Variants in PABPC4L observed in about 807,000 individuals in gnomAD.
The protein encoded by PABPC4L is polyadenylate-binding protein 4-like.
For missense variants in PABPC4L, 452 were observed against 451.4 expected (o/e 1.00, Z -0.01); for synonymous variants, 169 against 164.1 (o/e 1.03, Z -0.23).
chr4:134,077,137 C>T, the PABPC4L span, among the ~76,000 whole-genome samples: 6 of 152,118 alleles, frequency 3.9e-5, no homozygotes, highest in Non-Finnish European at 5.9e-5. Flanking sequence ...TATATATGTG[C>T]ACGCATTTGT....
the PABPC4L span, among the ~76,000 whole-genome samples, chr4:133,969,100 T>C: frequency 6.6e-6 from 1 of 152,166 alleles, no homozygotes; most frequent in Non-Finnish European, 1.5e-5. Flanking sequence ...TCTGTGTTTG[T>C]GTGAGAGACA....
the PABPC4L span, among the ~76,000 whole-genome samples, chr4:133,988,840 G>A: frequency 7.2e-5 from 11 of 152,224 alleles, no homozygotes; most frequent in East Asian, 1.9e-3. Context: ...CCCCTGCAAC[G>A]AACTTCTGCT....
At chr4:133,981,733 A>G in the PABPC4L span, among the ~76,000 whole-genome samples, 4 of 152,018 alleles carry the variant, frequency 2.6e-5, no homozygotes, top group African/African-American at 9.6e-5. Flanking sequence ...ATGAACACTA[A>G]TGCCATTGAG....
the PABPC4L span, among the ~76,000 whole-genome samples, chr4:134,038,905 T>C: frequency 1.3e-5 from 2 of 152,154 alleles, no homozygotes; most frequent in Admixed American, 6.6e-5. Context: ...GTTGTTTTAA[T>C]TGTGATGCTA....
chr4:134,065,477 T>C, the PABPC4L span, among the ~76,000 whole-genome samples: 3 of 152,216 alleles, frequency 2.0e-5, no homozygotes, highest in Admixed American at 6.5e-5. Context: ...AAGTTACTTG[T>C]AGACCTTTGT....
chr4:134,139,330 TG>T, the PABPC4L span, among the ~76,000 whole-genome samples: 3 of 151,934 alleles, frequency 2.0e-5, no homozygotes, highest in African/African-American at 7.2e-5. Flanking sequence ...AAATATGTAC[TG>T]ATTCGTGACA....
the PABPC4L span, among the ~76,000 whole-genome samples, chr4:134,080,119 G>A: frequency 2.0e-5 from 3 of 151,512 alleles, no homozygotes; most frequent in Non-Finnish European, 4.4e-5. Flanking sequence ...AAATATATGT[G>A]GTTTAATCTA....
At chr4:134,059,718 T>C in the PABPC4L span, among the ~76,000 whole-genome samples, 4 of 151,676 alleles carry the variant, frequency 2.6e-5, no homozygotes, top group Admixed American at 6.6e-5. Flanking sequence ...CCCTGAAATG[T>C]TGATGAAAAA....
At chr4:133,997,947 C>T in the PABPC4L span, among the ~76,000 whole-genome samples, 42 of 151,932 alleles carry the variant, frequency 2.8e-4, no homozygotes, top group East Asian at 3.3e-3. Context: ...TATATATCAG[C>T]AATATCTTCT....
At chr4:133,991,737 G>T in the PABPC4L span, among the ~76,000 whole-genome samples, 102 of 152,244 alleles carry the variant, frequency 6.7e-4, no homozygotes, top group African/African-American at 2.1e-3. Context: ...GAGGAACCTT[G>T]CCAGTTGCGT....
At chr4:134,106,131 C>A in the PABPC4L span, among the ~76,000 whole-genome samples, 1 of 151,454 alleles carries the variant, frequency 6.6e-6, no homozygotes, top group Admixed American at 6.6e-5. Context: ...CTACTGAAAG[C>A]CGTGATTTGT....
the PABPC4L span, among the ~76,000 whole-genome samples, chr4:133,967,887 G>T: frequency 6.6e-6 from 1 of 152,130 alleles, no homozygotes; most frequent in African/African-American, 2.4e-5. Flanking sequence ...AAAGTTAAAG[G>T]TTTAGTCTTA....
At chr4:134,028,109 A>C in the PABPC4L span, among the ~76,000 whole-genome samples, 1 of 152,068 alleles carries the variant, frequency 6.6e-6, no homozygotes, top group Non-Finnish European at 1.5e-5. Flanking sequence ...TAGAAATGCA[A>C]ATTCTTGGAC....
At chr4:133,996,244 C>T in the PABPC4L span, among the ~76,000 whole-genome samples, 202 of 152,232 alleles carry the variant, frequency 1.3e-3, 1 homozygote, top group African/African-American at 4.7e-3. Context: ...GGGACCAAAG[C>T]AGCCCTAACT....
the PABPC4L span, chr4:134,010,665 C>A: frequency 6.6e-6 from 1 of 152,022 alleles, no homozygotes; most frequent in Non-Finnish European, 1.5e-5. Context: ...TCATTGGATC[C>A]GCTGAATACA....
the PABPC4L span, among the ~76,000 whole-genome samples, chr4:134,174,983 C>T: frequency 2.6e-5 from 4 of 152,130 alleles, no homozygotes; most frequent in African/African-American, 9.6e-5. Flanking sequence ...GAATGCAATC[C>T]TATTTATTAT....
At chr4:134,046,426 C>T in the PABPC4L span, among the ~76,000 whole-genome samples, 1 of 152,254 alleles carries the variant, frequency 6.6e-6, no homozygotes, top group African/African-American at 2.4e-5. Context: ...TCTCCTATCT[C>T]AGAATAGAAG....
At chr4:134,160,481 T>A in the PABPC4L span, among the ~76,000 whole-genome samples, 1 of 152,138 alleles carries the variant, frequency 6.6e-6, no homozygotes, top group African/African-American at 2.4e-5. Flanking sequence ...CTCCTTTGAA[T>A]TCATGGAAAG....
chr4:134,048,018 T>C, the PABPC4L span, among the ~76,000 whole-genome samples: 1 of 152,176 alleles, frequency 6.6e-6, no homozygotes, highest in East Asian at 1.9e-4. Context: ...TAAAACATGC[T>C]TTTTTCCCAA....
Sources: gnomAD v4.1 joint callset for allele counts (sites outside exome capture counted in the v4.1 genomes callset) on GRCh38, gnomAD v4.1.1 for gene constraint, MANE v1.5 for transcripts, NCBI Gene and HGNC (gene_info 2026-07-23, HGNC 2026-07-21) for gene names.